Variants in ZNF333 observed in about 807,000 individuals in gnomAD.
ZNF333 encodes zinc finger protein 333.
In ZNF333, 61 loss-of-function variants were observed where a neutral mutation model predicts 76.1. The ratio of observed to expected loss-of-function variants is 0.80; its 90% CI spans 0.65 to 0.99. ZNF333 has a LOEUF of 0.99. Among genes scored for constraint, ZNF333 ranks in the 50% least tolerant of loss-of-function variants. The probability of loss-of-function intolerance (pLI) is 0.00; values close to 1 mark genes in which losing one functional copy is unlikely to be tolerated. For synonymous variants in ZNF333, 284 were observed against 305.0 expected, an observed-to-expected ratio of 0.93 and a Z score of 0.72; for missense variants, 717 against 822.4, an observed-to-expected ratio of 0.87 and a Z score of 1.57.
intron 5 of ZNF333, among the ~76,000 whole-genome samples, chr19:14,703,567 C>T (rs184000892): frequency 1.3e-5 from 2 of 152,238 alleles, no homozygotes; most frequent in Admixed American, 6.5e-5. Context: ...ACTTGTATTT[C>T]CTGGGAGGAC....
chr19:14,693,176 A>G (rs890991798), intron 1 of ZNF333, among the ~76,000 whole-genome samples: 1 of 152,180 alleles, frequency 6.6e-6, no homozygotes, highest in African/African-American at 2.4e-5. Flanking sequence ...TAAATATCAA[A>G]TCACACCTTC....
chr19:14,715,038 CGTGTGTGT>C (rs5827254), intron 7 of ZNF333: 15 of 170,648 alleles, frequency 8.8e-5, no homozygotes, highest in South Asian at 4.9e-4. Flanking sequence ...TGAAGGCGTG[CGTGTGTGT>C]GTGTGTGTGT....
chr19:14,706,893 A>T, intron 7 of ZNF333, 120 bp downstream of exon 7: 2 of 762,074 alleles, frequency 2.6e-6, no homozygotes, highest in Non-Finnish European at 4.2e-6. Context: ...CCGTGGCACC[A>T]TAGAGAGGAT....
At chr19:14,706,185 C>T (rs1421556143) in intron 6 of ZNF333, 1 of 457,352 alleles carries the variant, frequency 2.2e-6, no homozygotes, top group Admixed American at 2.3e-5. Flanking sequence ...CTGGGCTCCA[C>T]CCTGGACACA....
intron 1 of ZNF333, 103 bp downstream of exon 1, chr19:14,690,253 C>T (rs892110707): frequency 6.6e-6 from 1 of 152,236 alleles, no homozygotes; most frequent in Non-Finnish European, 1.5e-5. Flanking sequence ...TGAGGGGTTT[C>T]CTCCCTGCGA....
chr19:14,709,895 C>G (rs1242457472), intron 7 of ZNF333, among the ~76,000 whole-genome samples: 1 of 152,220 alleles, frequency 6.6e-6, no homozygotes, highest in African/African-American at 2.4e-5. Context: ...CAGACATTGC[C>G]AAATGTCCCC....
chr19:14,703,877 G>A (rs974689761), intron 5 of ZNF333, among the ~76,000 whole-genome samples: 1 of 152,176 alleles, frequency 6.6e-6, no homozygotes, highest in African/African-American at 2.4e-5. Context: ...CCCTGTGAAT[G>A]ATGGATGCCC....
Position 14,719,149 on chromosome 19 carries a change from C to T in ZNF333, c.1822C>T (p.His608Tyr), listed in dbSNP as rs145122686. Residue 608 changes from histidine (H) to tyrosine (Y), a missense_variant, in exon 12 of 12, where the codon CAT (histidine) becomes TAT (tyrosine). Physicochemically the swap from His to Tyr is moderately conservative, Grantham distance 83. Coordinates refer to ENST00000292530, the MANE Select transcript of ZNF333 (RefSeq NM_032433.4). The stretch of plus-strand genomic sequence containing the variant: ...TGGTCAGTCTTCACATCTTATTGTA[C>T]ATGTGAGAACACACAGTGCCGGGAG... ...AFGQSSHLIV[H>Y]VRTHSAGRPY... 3.9e-5 allele frequency: 63 copies of T among 1,614,168 alleles called. No homozygotes were observed. The African/African-American group carries it at 7.6e-4, about 19-fold the overall frequency.
At chr19:14,704,561 A>T (rs8100772) in intron 5 of ZNF333, among the ~76,000 whole-genome samples, 5,906 of 152,286 alleles carry the variant, frequency 0.039, 372 homozygotes, top group African/African-American at 0.14. Flanking sequence ...TTGGACTTAC[A>T]GTTCCATGTG....
intron 4 of ZNF333, among the ~76,000 whole-genome samples, chr19:14,696,233 A>T (rs1213902155): frequency 2.0e-5 from 3 of 152,148 alleles, no homozygotes; most frequent in Admixed American, 2.0e-4. Flanking sequence ...TCACCCCTTT[A>T]AAGTGTGCAG....
At chr19:14,728,679 A>G (rs1289082865) in intron 11 of ZNF333, among the ~76,000 whole-genome samples, 2 of 152,228 alleles carry the variant, frequency 1.3e-5, no homozygotes, top group Non-Finnish European at 2.9e-5. Context: ...AAAAACTTCC[A>G]TGTGAATCCC....
intron 6 of ZNF333, 86 bp downstream of exon 6, chr19:14,705,256 G>A: frequency 1.7e-6 from 2 of 1,190,272 alleles, no homozygotes; most frequent in Admixed American, 2.0e-5. Context: ...TGGGGGAGGG[G>A]AGGGAAAGGA....
intron 2 of ZNF333, among the ~76,000 whole-genome samples, chr19:14,693,964 A>G (rs1404867648): frequency 6.9e-6 from 1 of 144,742 alleles, no homozygotes; most frequent in Non-Finnish European, 1.5e-5. Flanking sequence ...TAAGCTACAG[A>G]GTAAAACCTT....
At position 14,715,414 on chromosome 19, in the gene ZNF333, G is replaced by T. The variant is rs144228718; in HGVS notation, c.544G>T (p.Glu182Ter). The change falls in exon 8 of 12, where the codon GAG becomes TAG. Residue 182 changes from glutamate (E) to a stop codon, truncating the protein, a stop_gained. Transcript: ENST00000292530. LOFTEE classifies it high-confidence loss of function. The part of the protein sequence containing the change: ...VPARDPAWLQ[E>*]DKVEEEAMAP... The stretch of plus-strand genomic sequence containing the variant: ...TGCACGTGACCCTGCCTGGCTTCAG[G>T]AGGACAAAGTGGAGGAAGAAGCTAT... 9.3e-6 allele frequency: 15 copies of T among 1,614,060 alleles called. No individual in the cohort carries two copies. Among genetic ancestry groups the T allele is most frequent in the Non-Finnish European group, 1.3e-5 (15 of 1,179,968 alleles).
intron 4 of ZNF333, among the ~76,000 whole-genome samples, chr19:14,698,718 G>A (rs141402294): frequency 0.013 from 1,949 of 150,820 alleles, 35 homozygotes; most frequent in African/African-American, 0.045. Context: ...GCGGGTACCT[G>A]TAATCCCAAC....
chr19:14,731,268 C>A, exon 12 of ZNF333: 2 of 1,375,208 alleles, frequency 1.5e-6, no homozygotes, highest in Non-Finnish European at 2.0e-6. Flanking sequence ...AGGATCACTA[C>A]TGGGGCTTGA....
chr19:14,708,479 A>G (rs1223562845), intron 7 of ZNF333: 1 of 369,132 alleles, frequency 2.7e-6, no homozygotes, highest in Admixed American at 5.2e-5. Flanking sequence ...GTGTTATACA[A>G]GGACTTCATC....
chr19:14,693,322 C>T, intron 1 of ZNF333, 129 bp from the exon 2 acceptor site: 3 of 555,764 alleles, frequency 5.4e-6, no homozygotes, highest in Non-Finnish European at 9.0e-6. Flanking sequence ...GCCTTGGGGG[C>T]CAACATGTTG....
At position 14,720,076 on chromosome 19, in the gene ZNF333, C is replaced by T; in HGVS notation, c.*751C>T. On this transcript the variant is annotated 3_prime_UTR_variant, in exon 12 of 12. Coordinates refer to ENST00000292530, the MANE Select transcript of ZNF333 (RefSeq NM_032433.4). The stretch of plus-strand genomic sequence containing the variant: ...TGGCATGCACCTGTAATCCCAGCTA[C>T]TTGGGAGGCTGAGGCAGGAGAATTC... The T allele has an allele frequency of 1.3e-6, 1 of 756,962 alleles. No individual in the cohort carries two copies. The highest frequency in any genetic ancestry group is 1.6e-6 in the Non-Finnish European group (1 of 621,608). The allele number at this position is 756,962 out of a possible 1,614,324, so 46.9% of individuals were successfully genotyped here. A position where few individuals can be genotyped will look rare whatever the true frequency, so the allele number is the denominator to read the frequency against.
Sources: allele counts gnomAD v4.1 joint callset (sites outside exome capture counted in the v4.1 genomes callset), GRCh38; gene constraint gnomAD v4.1.1; transcripts MANE v1.5; gene names NCBI Gene and HGNC (gene_info 2026-07-23, HGNC 2026-07-21).